AACS: variants seen among roughly 807,000 people sequenced by gnomAD.
AACS encodes acetoacetyl-CoA synthetase.
A neutral mutation model predicts 83.1 loss-of-function variants in AACS; 69 were observed. The observed-to-expected ratio is 0.83, with a 90% CI of 0.68 to 1.01. AACS has a LOEUF of 1.01. Ranked by LOEUF, AACS falls within the 50% of genes least tolerant of loss-of-function variation. AACS has a pLI of 0.00. For synonymous variants in AACS, 333 were observed against 343.4 expected, an observed-to-expected ratio of 0.97 and a Z score of 0.33; for missense variants, 866 against 882.2, an observed-to-expected ratio of 0.98 and a Z score of 0.23.
At position 125,124,800 on chromosome 12, in the gene AACS, G is replaced by A. The variant is rs770613745; in HGVS notation, c.1186+31G>A. 13 of 1,614,018 alleles carry A rather than the reference G, an allele frequency of 8.1e-6. No individual in the cohort carries two copies. The African/African-American group carries it at 1.3e-4, about 17-fold the overall frequency. ...TGTGCCTCTTCAGTACTCATTCCCT[G>A]TACTGCCAATCAAGGAAATTAAATC... On this transcript the variant is annotated intron_variant, in intron 11 of 17. Transcript: ENST00000316519.
chr12:125,065,735 G>C lies in AACS; in HGVS notation c.133+18G>C, dbSNP rs1338162356. The C allele has an allele frequency of 1.3e-6, 2 of 1,518,868 alleles. No homozygotes were observed. Among genetic ancestry groups the C allele is most frequent in the South Asian group, 1.2e-5 (1 of 80,378 alleles). The allele number at this position is 1,518,868 out of a possible 1,614,324, so 94.1% of individuals were successfully genotyped here. On this transcript the variant is annotated intron_variant, in intron 1 of 17. Transcript: ENST00000316519. The stretch of plus-strand genomic sequence containing the variant: ...GGCGCTGGGTGAGAGTCGGGCGCGC[G>C]GCCGGGCCTGCGGGGGATGGGCGGG...
At chr12:125,076,345 G>T (rs940702115) in intron 2 of AACS, 146 bp from the exon 3 acceptor site, 46 of 1,122,974 alleles carry the variant, frequency 4.1e-5, no homozygotes, top group Non-Finnish European at 5.2e-5. Flanking sequence ...TCCATAAAAT[G>T]ATTTAAAAAT....
In AACS at chr12:125,134,755, A is replaced by T. The variant is rs1957377149; in HGVS notation, c.1620-39A>T. On this transcript the variant is annotated intron_variant, in intron 15 of 17. Coordinates refer to ENST00000316519, the MANE Select transcript of AACS (RefSeq NM_023928.5). ...GGACCCCTGGGACTTGCTTCACTCC[A>T]GAGCTGCGGTGTGGCCCTGACCTCT... The T allele has an allele frequency of 1.9e-6, 3 of 1,613,464 alleles. No homozygotes were observed. In the East Asian group the frequency reaches 6.7e-5, roughly 36 times the overall value.
intron 8 of AACS, among the ~76,000 whole-genome samples, chr12:125,107,484 AAC>A (rs1164370848): frequency 6.6e-6 from 1 of 152,200 alleles, no homozygotes; most frequent in East Asian, 1.9e-4. Context: ...GATGGCACCT[AAC>A]ACCATGGCGA....
rs79951095 is a variant in AACS, at chr12:125,090,154, T to A, written c.473-1272T>A. ...ATCATCCATCACCATCATCCATCCATCTATCCATCCATCCTGTCTATACAT... is the reference window on the plus strand; with the variant it reads ...ATCATCCATCACCATCATCCATCCAACTATCCATCCATCCTGTCTATACAT... On this transcript the variant is annotated intron_variant, in intron 4 of 17. Coordinates refer to ENST00000316519, the MANE Select transcript of AACS (RefSeq NM_023928.5). 7.8e-3 allele frequency among the ~76,000 whole-genome samples: 20 copies of A among 2,570 alleles called. 3 individuals are homozygous for A. Among genetic ancestry groups the A allele is most frequent in the East Asian group, 0.028 (3 of 106 alleles). The allele number at this position is 2,570 out of a possible 152,430, so 1.7% of individuals were successfully genotyped here. A position where few individuals can be genotyped will look rare whatever the true frequency, so the allele number is the denominator to read the frequency against.
At chr12:125,068,873 T>C (rs566310114) in intron 1 of AACS, among the ~76,000 whole-genome samples, 1 of 150,354 alleles carries the variant, frequency 6.7e-6, no homozygotes, top group African/African-American at 2.4e-5. Flanking sequence ...GGAGTCTCGC[T>C]CTGTCACCCA....
At chr12:125,077,867 G>T (rs923812443) in intron 3 of AACS, among the ~76,000 whole-genome samples, 4 of 151,914 alleles carry the variant, frequency 2.6e-5, no homozygotes, top group African/African-American at 9.7e-5. Context: ...CACCACCATT[G>T]CTGGCTAATT....
rs1957470532 is a variant in AACS at position 125,140,528 on chromosome 12, TG to T, written c.1882-1562del. On this transcript the variant is annotated intron_variant, in intron 17 of 17. Coordinates refer to ENST00000316519, the MANE Select transcript of AACS (RefSeq NM_023928.5). This position sits in a 1 kb window ranked among gnomAD's most constrained non-coding sequence, Gnocchi z 5.1. ...TCACATGAAGTGACAGGCAGGCCCT[TG>T]GAAGCCGGTGCTTAGATCCTTAATT... is the stretch of plus-strand genomic sequence containing the variant. 6.6e-6 allele frequency: 1 copy of T among 152,140 alleles called. No individual in the cohort carries two copies. Among genetic ancestry groups the T allele is most frequent in the East Asian group, 1.9e-4 (1 of 5,186 alleles). 9.4% of individuals were successfully genotyped at this position (152,140 alleles called of 1,614,324 possible).
In AACS at chr12:125,087,907, C is replaced by T. The variant is rs538174610; in HGVS notation, c.472+1464C>T. Reference sequence around the variant, plus strand: ...GGCTGCCTCCTGTCTCAGCCCTTGGCGGCCTGTTCTCCTTCAGCCTATCCT... The same window carrying T: ...GGCTGCCTCCTGTCTCAGCCCTTGGTGGCCTGTTCTCCTTCAGCCTATCCT... On this transcript the variant is annotated intron_variant, in intron 4 of 17. Coordinates refer to ENST00000316519, the MANE Select transcript of AACS (RefSeq NM_023928.5). Among the ~76,000 whole-genome samples the T allele has an allele frequency of 5.9e-5, 9 of 152,298 alleles. 1 individual carries two copies. The highest frequency in any genetic ancestry group is 2.1e-4 in the South Asian group (1 of 4,830).
At chr12:125,111,454 G>A (rs925811543) in intron 8 of AACS, among the ~76,000 whole-genome samples, 4 of 152,178 alleles carry the variant, frequency 2.6e-5, no homozygotes, top group African/African-American at 4.8e-5. Context: ...AATATAGCTT[G>A]CTCATAAAAT....
chr12:125,073,381 G>A (rs1287286998), intron 1 of AACS, among the ~76,000 whole-genome samples: 1 of 152,100 alleles, frequency 6.6e-6, no homozygotes, highest in Non-Finnish European at 1.5e-5. Flanking sequence ...CCAATGTATC[G>A]ACTATAAATT....
At position 125,107,207 on chromosome 12, in the gene AACS, T is replaced by C; in HGVS notation, c.854T>C (p.Leu285Pro). The C allele has an allele frequency of 6.2e-7, 1 of 1,614,132 alleles. No individual in the cohort carries two copies. The highest frequency in any genetic ancestry group is 8.5e-7 in the Non-Finnish European group (1 of 1,180,034). The change falls in exon 8 of 18, where the codon CTG (leucine) becomes CCG (proline). Residue 285 changes from leucine to proline, a missense_variant. Coordinates refer to ENST00000316519, the MANE Select transcript of AACS (RefSeq NM_023928.5). ...GAGCAGCTGCCCTTCAGCCACCCAC[T>C]GTTCATCATGTTCTCATCGGGCACC... ...EFEQLPFSHPLFIMFSSGTTG... is the reference protein window; with the variant it reads ...EFEQLPFSHPPFIMFSSGTTG...
At chr12:125,111,928 G>T (rs1008682028) in intron 8 of AACS, among the ~76,000 whole-genome samples, 2 of 152,180 alleles carry the variant, frequency 1.3e-5, no homozygotes, top group Non-Finnish European at 2.9e-5. Flanking sequence ...CATTTGTTTT[G>T]TGCCATCTGA....
chr12:125,073,862 T>C lies in AACS; in HGVS notation c.134-14T>C, dbSNP rs376033294. On this transcript the variant is annotated splice_polypyrimidine_tract_variant and intron_variant, in intron 1 of 17. Transcript: ENST00000316519. ...TTTCCCTTCTAAGGTTAATCTGAGC[T>C]ATTTCATTTTTAGAGAGTTATGATG... The C allele has an allele frequency of 1.3e-6, 2 of 1,599,886 alleles. No homozygotes were observed. The highest frequency in any genetic ancestry group is 2.2e-5 in the South Asian group (2 of 90,214).
rs763404617 is a variant in AACS at position 125,128,268 on chromosome 12, G to A, written c.1417G>A (p.Glu473Lys). 1.1e-5 allele frequency: 17 copies of A among 1,611,142 alleles called. No homozygotes were observed. The Admixed American group carries it at 1.8e-4, about 17-fold the overall frequency. Residue 473 changes from glutamate to lysine, a missense_variant, in exon 13 of 18, where the codon GAG (glutamate) becomes AAG (lysine). Glu to Lys is a moderately conservative substitution (Grantham distance 56). Coordinates refer to ENST00000316519, the MANE Select transcript of AACS (RefSeq NM_023928.5). ...GGGCATGGCCGTGGAAGCGTGGAAC[G>A]AGGAAGGTGATGGCTCCACCAACTG... The part of the protein sequence containing the change: ...NLGMAVEAWN[E>K]EGKAVWGESG...
intron 15 of AACS, 28 bp from the exon 16 acceptor site, chr12:125,134,766 G>A (rs1287580095): frequency 6.2e-7 from 1 of 1,613,928 alleles, no homozygotes; most frequent in Non-Finnish European, 8.5e-7. Flanking sequence ...GAGCTGCGGT[G>A]TGGCCCTGAC....
intron 1 of AACS, 52 bp from the exon 2 acceptor site, chr12:125,073,824 T>C: frequency 3.4e-6 from 5 of 1,476,002 alleles, no homozygotes; most frequent in Non-Finnish European, 3.8e-6. Context: ...ATCTTATTAA[T>C]GGATTGCCAA....
In AACS at chr12:125,130,584, C is replaced by CT. The variant is rs1334788067; in HGVS notation, c.1549+1127dup. Among the ~76,000 whole-genome samples, 1 of 152,238 alleles carries CT rather than the reference C, an allele frequency of 6.6e-6. No individual in the cohort carries two copies. The highest frequency in any genetic ancestry group is 1.5e-5 in the Non-Finnish European group (1 of 68,040). ...TCTTTGAAAACTCTCTTTTCTGTCA[C>CT]TTTATTTGTCACATGTGCAAGGGTT... On this transcript the variant is annotated intron_variant, in intron 14 of 17. Transcript: ENST00000316519. This position sits in a 1 kb window ranked among gnomAD's most constrained non-coding sequence, Gnocchi z 4.9.
chr12:125,104,816 T>C (rs1027967266), intron 7 of AACS, among the ~76,000 whole-genome samples: 1 of 152,180 alleles, frequency 6.6e-6, no homozygotes, highest in African/African-American at 2.4e-5. Context: ...GTTCTTGCCT[T>C]GCTATAAAGA....
Sources: gnomAD v4.1 joint callset for allele counts (sites outside exome capture counted in the v4.1 genomes callset) on GRCh38, gnomAD v4.1.1 for gene constraint, Gnocchi (gnomAD v3.1) non-coding constraint, MANE v1.5 for transcripts, NCBI Gene and HGNC (gene_info 2026-07-23, HGNC 2026-07-21) for gene names.